TMEM132C: variants seen among roughly 807,000 people sequenced by gnomAD.
TMEM132C encodes the protein transmembrane protein 132C.
Under a neutral mutation model 61.4 loss-of-function variants are expected in TMEM132C, and 29 were observed. The observed-to-expected ratio is 0.47, with a 90% confidence interval of 0.35 to 0.64. The LOEUF is 0.64. TMEM132C is among the 30% of genes least tolerant of loss of function. The probability of loss-of-function intolerance (pLI) is 0.00; values close to 1 mark genes in which losing one functional copy is unlikely to be tolerated. For synonymous variants in TMEM132C, 656 were observed against 633.1 expected (o/e 1.04, Z -0.54); for missense variants, 1,408 against 1,476.9 (o/e 0.95, Z 0.76).
At chr12:128,680,854 C>T (rs1954628566) in intron 5 of TMEM132C, among the ~76,000 whole-genome samples, 2 of 152,096 alleles carry the variant, frequency 1.3e-5, no homozygotes, top group Admixed American at 6.5e-5. Context: ...TTACTTGAGC[C>T]AAATAGGGCT....
chr12:128,700,551 C>A (rs927266018), intron 8 of TMEM132C, among the ~76,000 whole-genome samples: 3 of 152,160 alleles, frequency 2.0e-5, no homozygotes, highest in Non-Finnish European at 2.9e-5. Flanking sequence ...CCACGATGAA[C>A]TTGCACACTG....
chr12:128,560,988 G>A (rs1054455860), intron 3 of TMEM132C, among the ~76,000 whole-genome samples: 4 of 152,130 alleles, frequency 2.6e-5, no homozygotes, highest in Admixed American at 6.5e-5. Flanking sequence ...AAAGAAGGGC[G>A]CCCTAGGAGT....
intron 1 of TMEM132C, among the ~76,000 whole-genome samples, chr12:128,399,013 G>A (rs576942687): frequency 6.6e-6 from 1 of 152,190 alleles, no homozygotes; most frequent in African/African-American, 2.4e-5. Flanking sequence ...ATCTTCTGGT[G>A]TATTCTTTTC....
chr12:128,336,907 C>T (rs539881266), intron 1 of TMEM132C, among the ~76,000 whole-genome samples: 1 of 152,306 alleles, frequency 6.6e-6, no homozygotes, highest in Admixed American at 6.5e-5. Context: ...GTGTTCACTT[C>T]ATATCCCGCA....
intron 2 of TMEM132C, among the ~76,000 whole-genome samples, chr12:128,503,978 G>A (rs565153265): frequency 6.6e-6 from 1 of 152,340 alleles, no homozygotes; most frequent in African/African-American, 2.4e-5. Context: ...GTTGTGAACA[G>A]ACAGACAGTG....
chr12:128,314,738 G>C (rs947524058), intron 1 of TMEM132C, among the ~76,000 whole-genome samples: 3 of 152,194 alleles, frequency 2.0e-5, no homozygotes, highest in African/African-American at 7.2e-5. Context: ...GAAGCTGGGA[G>C]AGACAGGCAC....
chr12:128,656,766 G>A (rs1954328930), intron 4 of TMEM132C, among the ~76,000 whole-genome samples: 1 of 152,214 alleles, frequency 6.6e-6, no homozygotes, highest in Non-Finnish European at 1.5e-5. Context: ...CCAGCTGCAA[G>A]GGAGGCTGAG....
At chr12:128,497,369 G>A (rs969781186) in intron 2 of TMEM132C, among the ~76,000 whole-genome samples, 10 of 152,240 alleles carry the variant, frequency 6.6e-5, no homozygotes, top group Admixed American at 6.5e-4. Flanking sequence ...GTCAGACAGG[G>A]ACATTTAAGT....
At chr12:128,434,540 G>A (rs1018634585) in intron 2 of TMEM132C, among the ~76,000 whole-genome samples, 5 of 151,968 alleles carry the variant, frequency 3.3e-5, no homozygotes, top group East Asian at 1.9e-4. Context: ...CGCCTGCCTC[G>A]GCCTCTCAAA....
At chr12:128,517,580 A>C (rs1872760729) in intron 2 of TMEM132C, among the ~76,000 whole-genome samples, 1 of 152,264 alleles carries the variant, frequency 6.6e-6, no homozygotes, top group Admixed American at 6.5e-5. Flanking sequence ...GGTATATGAT[A>C]CAGCAAGTAT....
chr12:128,522,965 T>C (rs1454486557), intron 2 of TMEM132C, among the ~76,000 whole-genome samples: 1 of 152,174 alleles, frequency 6.6e-6, no homozygotes, highest in East Asian at 1.9e-4. Context: ...ACCATGTTTA[T>C]AGCAGCAGTG....
intron 1 of TMEM132C, among the ~76,000 whole-genome samples, chr12:128,292,384 G>C (rs1246691511): frequency 1.3e-5 from 2 of 152,106 alleles, no homozygotes; most frequent in Non-Finnish European, 2.9e-5. Context: ...GACAATCCCT[G>C]CCCAACTTCC....
chr12:128,480,351 C>T (rs1020753058), intron 2 of TMEM132C, among the ~76,000 whole-genome samples: 4 of 152,208 alleles, frequency 2.6e-5, no homozygotes, highest in African/African-American at 9.6e-5. Flanking sequence ...GGACCTTCTT[C>T]GTGGAATCTA....
chr12:128,501,888 G>A (rs896561260), intron 2 of TMEM132C, among the ~76,000 whole-genome samples: 5 of 152,174 alleles, frequency 3.3e-5, no homozygotes, highest in South Asian at 2.1e-4. Flanking sequence ...CTTTGTGTCT[G>A]TAACACTTTG....
rs1283815653 is a variant in TMEM132C, at chr12:128,630,487, G to T, written c.1305+14152G>T. Among the ~76,000 whole-genome samples the T allele has an allele frequency of 6.6e-6, 1 of 152,088 alleles. No individual in the cohort carries two copies. On this transcript the variant is annotated intron_variant, in intron 4 of 8. Coordinates refer to ENST00000435159, the MANE Select transcript of TMEM132C (RefSeq NM_001136103.3). This position sits in a 1 kb window ranked among gnomAD's most constrained non-coding sequence, Gnocchi z 4.3. Reference sequence around the variant, plus strand: ...CTACTCAAATATCCCCTCCTCACTAGGCCCCCTGACTAACCTGCCTAAAAG... The same window carrying T: ...CTACTCAAATATCCCCTCCTCACTATGCCCCCTGACTAACCTGCCTAAAAG...
intron 3 of TMEM132C, among the ~76,000 whole-genome samples, chr12:128,585,820 G>A (rs1192812800): frequency 1.3e-5 from 2 of 152,186 alleles, no homozygotes; most frequent in Admixed American, 1.3e-4. Context: ...ATTCCACTTA[G>A]CAGAGATAAT....
At chr12:128,461,760 G>A (rs2136070196) in intron 2 of TMEM132C, among the ~76,000 whole-genome samples, 1 of 152,236 alleles carries the variant, frequency 6.6e-6, no homozygotes, top group East Asian at 1.9e-4. Flanking sequence ...TGATAGTGGT[G>A]TGTCACTCTC....
Position 128,685,234 on chromosome 12 carries a change from G to A in TMEM132C, c.1450-8595G>A, listed in dbSNP as rs117491581. 3.2e-3 allele frequency among the ~76,000 whole-genome samples: 489 copies of A among 152,348 alleles called. 18 individuals carry two copies. In the East Asian group the frequency reaches 0.08, roughly 25 times the overall value. On this transcript the variant is annotated intron_variant, in intron 5 of 8. Coordinates refer to ENST00000435159, the MANE Select transcript of TMEM132C (RefSeq NM_001136103.3). ...GAGAGGGGAAGCCATGTAAAAGGCC[G>A]TGAGAGTTATAGTCAGGATCATCCA...
At chr12:128,458,360 C>G (rs994727013) in intron 2 of TMEM132C, among the ~76,000 whole-genome samples, 2 of 150,148 alleles carry the variant, frequency 1.3e-5, no homozygotes, top group Admixed American at 1.3e-4. Flanking sequence ...ACTGCTATAA[C>G]AGAAACCCAA....
Sources: allele counts gnomAD v4.1 joint callset (sites outside exome capture counted in the v4.1 genomes callset), GRCh38; gene constraint gnomAD v4.1.1; non-coding constraint Gnocchi (gnomAD v3.1); transcripts MANE v1.5; gene names NCBI Gene and HGNC (gene_info 2026-07-23, HGNC 2026-07-21).